The following GNAQ variants were observed in gnomAD, a reference collection of about 807,000 sequenced individuals.
The protein encoded by GNAQ is guanine nucleotide-binding protein G(q) subunit alpha.
A neutral mutation model predicts 43.9 loss-of-function variants in GNAQ; 8 were observed. The observed-to-expected ratio is 0.18, with a 90% CI of 0.11 to 0.33. The LOEUF is 0.33. Among genes scored for constraint, GNAQ ranks in the 10% least tolerant of loss-of-function variants. The probability of loss-of-function intolerance (pLI) is 1.00; values close to 1 mark genes in which losing one functional copy is unlikely to be tolerated. For missense variants in GNAQ, 158 were observed against 450.8 expected (o/e 0.35, Z 5.88); for synonymous variants, 155 against 170.7 (o/e 0.91, Z 0.71).
intron 1 of GNAQ, among the ~76,000 whole-genome samples, chr9:77,931,044 C>A (rs1240573062): frequency 6.6e-6 from 1 of 151,630 alleles, no homozygotes; most frequent in Non-Finnish European, 1.5e-5. Context: ...ACAGTCTTAT[C>A]CCGAAACCAA....
At chr9:77,803,011 G>A (rs10869972) in intron 3 of GNAQ, among the ~76,000 whole-genome samples, 81,360 of 151,494 alleles carry the variant, frequency 0.54, 24,521 homozygotes, top group Non-Finnish European at 0.68. Flanking sequence ...GGTGGTCAGG[G>A]CCCACAAGTG....
chr9:77,992,677 C>G (rs1367438394), intron 1 of GNAQ, among the ~76,000 whole-genome samples: 1 of 152,188 alleles, frequency 6.6e-6, no homozygotes, highest in Non-Finnish European at 1.5e-5. Context: ...GGCATGGTGG[C>G]TCATGCCTGT....
At chr9:77,949,548 G>A (rs1822951247) in intron 1 of GNAQ, among the ~76,000 whole-genome samples, 1 of 152,142 alleles carries the variant, frequency 6.6e-6, no homozygotes, top group Admixed American at 6.5e-5. Context: ...GCCCTTGGTT[G>A]GAGTTAATGA....
At chr9:77,904,951 G>A (rs1174729761) in intron 2 of GNAQ, among the ~76,000 whole-genome samples, 1 of 152,100 alleles carries the variant, frequency 6.6e-6, no homozygotes, top group Non-Finnish European at 1.5e-5. Context: ...ATGGCAATAA[G>A]AAAATTTCTG....
chr9:77,742,218 C>A (rs1396653233), intron 5 of GNAQ, among the ~76,000 whole-genome samples: 3 of 152,176 alleles, frequency 2.0e-5, no homozygotes, highest in African/African-American at 7.2e-5. Context: ...AGTGCTTGAT[C>A]AGCTTTGCAC....
intron 1 of GNAQ, among the ~76,000 whole-genome samples, chr9:77,982,271 G>A (rs1823377247): frequency 6.6e-6 from 1 of 152,136 alleles, no homozygotes; most frequent in African/African-American, 2.4e-5. Context: ...GGGAGGTGTG[G>A]GCTCAAATTC....
At chr9:77,777,722 C>CT (rs764408981) in intron 5 of GNAQ, among the ~76,000 whole-genome samples, 3 of 151,934 alleles carry the variant, frequency 2.0e-5, no homozygotes, top group Non-Finnish European at 4.4e-5. Flanking sequence ...TAATAAACAC[C>CT]TGAAAACCCC....
At position 77,817,266 on chromosome 9, in the gene GNAQ, A is replaced by G. The variant is rs145245501; in HGVS notation, c.322-1496T>C. 2.4e-3 allele frequency among the ~76,000 whole-genome samples: 364 copies of G among 152,278 alleles called. 2 individuals carry two copies. The highest frequency in any genetic ancestry group is 6.8e-3 in the Middle Eastern group (2 of 294). ...TGTGCTCTGCCTCTTAGGCAGTGTA[A>G]TATTTGTTGTCTTTCTCTCTAATCA... On this transcript the variant is annotated intron_variant, in intron 2 of 6. Coordinates refer to ENST00000286548, the MANE Select transcript of GNAQ (RefSeq NM_002072.5).
chr9:77,887,191 G>A, intron 2 of GNAQ, among the ~76,000 whole-genome samples: 1 of 152,126 alleles, frequency 6.6e-6, no homozygotes, highest in Non-Finnish European at 1.5e-5. Context: ...GAGAAGCTGA[G>A]CAGGGTCTCC....
At chr9:77,722,996 T>G (rs983766754) in intron 6 of GNAQ, among the ~76,000 whole-genome samples, 16 of 152,160 alleles carry the variant, frequency 1.1e-4, no homozygotes, top group Admixed American at 9.2e-4. Flanking sequence ...GAGAAAATAT[T>G]TACAAATCAT....
chr9:77,897,329 C>T (rs1828520515), intron 2 of GNAQ, among the ~76,000 whole-genome samples: 1 of 152,196 alleles, frequency 6.6e-6, no homozygotes, highest in African/African-American at 2.4e-5. Context: ...TAACATGAAT[C>T]CTTACTGCAG....
chr9:77,860,935 A>C (rs544401940), intron 2 of GNAQ, among the ~76,000 whole-genome samples: 1 of 152,316 alleles, frequency 6.6e-6, no homozygotes, highest in East Asian at 1.9e-4. Flanking sequence ...GAATTTGTGA[A>C]CATATTACTG....
At chr9:78,003,430 G>A (rs1587455952) in intron 1 of GNAQ, among the ~76,000 whole-genome samples, 1 of 152,194 alleles carries the variant, frequency 6.6e-6, no homozygotes. Flanking sequence ...ACTGACCAGT[G>A]AGGACAAGGC....
intron 3 of GNAQ, among the ~76,000 whole-genome samples, chr9:77,808,260 A>G (rs1454621832): frequency 6.6e-6 from 1 of 151,888 alleles, no homozygotes; most frequent in Non-Finnish European, 1.5e-5. Flanking sequence ...AGCATACCTA[A>G]GCCTTATCTT....
chr9:78,016,557 T>C (rs1451315023), intron 1 of GNAQ, among the ~76,000 whole-genome samples: 2 of 152,030 alleles, frequency 1.3e-5, no homozygotes, highest in Non-Finnish European at 2.9e-5. Context: ...TCCCAGCTAC[T>C]GTAGTCCCAG....
chr9:77,946,203 A>C (rs902015832), intron 1 of GNAQ, among the ~76,000 whole-genome samples: 3 of 152,208 alleles, frequency 2.0e-5, no homozygotes, highest in African/African-American at 7.2e-5. Flanking sequence ...AAAGAAAAAC[A>C]GAAACATTTT....
chr9:78,030,870 G>GCTGCGT (rs1171000809), intron 1 of GNAQ, among the ~76,000 whole-genome samples: 1 of 150,208 alleles, frequency 6.7e-6, no homozygotes, highest in Non-Finnish European at 1.5e-5. Context: ...CGACCCCTGT[G>GCTGCGT]CTGCGTGTGT....
intron 2 of GNAQ, among the ~76,000 whole-genome samples, chr9:77,857,308 A>G (rs1333579090): frequency 2.6e-5 from 4 of 152,168 alleles, no homozygotes; most frequent in Non-Finnish European, 4.4e-5. Flanking sequence ...CTCGACCTAC[A>G]TCTCTTAGCT....
At chr9:77,938,468 G>T (rs1324728094) in intron 1 of GNAQ, among the ~76,000 whole-genome samples, 3 of 152,162 alleles carry the variant, frequency 2.0e-5, no homozygotes, top group Non-Finnish European at 4.4e-5. Context: ...CAATTTTACA[G>T]GGAAGAAACA....
Sources: allele counts gnomAD v4.1 joint callset (sites outside exome capture counted in the v4.1 genomes callset), GRCh38; gene constraint gnomAD v4.1.1; transcripts MANE v1.5; gene names NCBI Gene and HGNC (gene_info 2026-07-23, HGNC 2026-07-21).